PRUNE2: variants seen among roughly 807,000 people sequenced by gnomAD.
PRUNE2 encodes the protein protein prune homolog 2.
In PRUNE2, 164 loss-of-function variants were observed where a neutral mutation model predicts 252.0. That is an observed-to-expected ratio of 0.65 (90% CI 0.57 to 0.74). The LOEUF (loss-of-function observed/expected upper bound fraction) is 0.74, where lower values mean the gene tolerates loss of function less well. Ranked by LOEUF, PRUNE2 falls within the 30% of genes least tolerant of loss-of-function variation. The probability of loss-of-function intolerance (pLI) is 0.00; values close to 1 mark genes in which losing one functional copy is unlikely to be tolerated. For missense variants in PRUNE2, 3,495 were observed against 3,711.0 expected (o/e 0.94, Z 1.51); for synonymous variants, 1,292 against 1,350.2 (o/e 0.96, Z 0.94).
Position 76,727,715 on chromosome 9 carries a change from T to TC in PRUNE2, c.757-13995_757-13994insG, listed in dbSNP as rs889172164. Reference sequence around the variant, plus strand: ...TTAGTTATGGGTAAACAGGGCTTTTTTTTTTTTTTTTTTTTTTGAAACAGG... The same window carrying TC: ...TTAGTTATGGGTAAACAGGGCTTTTTCTTTTTTTTTTTTTTTTTGAAACAGG... On this transcript the variant is annotated intron_variant, in intron 6 of 18. Coordinates refer to ENST00000376718, the MANE Select transcript of PRUNE2 (RefSeq NM_015225.3). Among the ~76,000 whole-genome samples the TC allele has an allele frequency of 1.4e-5, 2 of 140,962 alleles. 1 individual carries two copies. The highest frequency in any genetic ancestry group is 5.2e-5 in the African/African-American group (2 of 38,172). The allele number at this position is 140,962 out of a possible 152,430, so 92.5% of individuals were successfully genotyped here. A position where few individuals can be genotyped will look rare whatever the true frequency, so the allele number is the denominator to read the frequency against.
At position 76,706,662 on chromosome 9, in the gene PRUNE2, G is replaced by T; in HGVS notation, c.5612C>A (p.Pro1871Gln). ...VHQNASPWGV[P>Q]VQGDIEPVET... ...CACGGGCTCAATATCACCCTGAACT[G>T]GTACTCCCCAGGGACTGGCATTTTG... The change falls in exon 8 of 19, where the codon CCA becomes CAA. Residue 1871 changes from proline (P) to glutamine (Q), a missense_variant. Physicochemically the swap from Pro to Gln is moderately conservative, Grantham distance 76 (BLOSUM62 -1). Transcript: ENST00000376718. 1.9e-6 allele frequency: 3 copies of T among 1,613,720 alleles called. No individual in the cohort carries two copies. Among genetic ancestry groups the T allele is most frequent in the African/African-American group, 1.3e-5 (1 of 75,002 alleles).
intron 10 of PRUNE2, among the ~76,000 whole-genome samples, chr9:76,653,583 G>T (rs1269948998): frequency 6.6e-6 from 1 of 152,080 alleles, no homozygotes; most frequent in Non-Finnish European, 1.5e-5. Context: ...GGATAGAAAG[G>T]GCCAACTATA....
Position 76,876,161 on chromosome 9 carries a change from G to A in PRUNE2, c.37-21953C>T, listed in dbSNP as rs114040184. On this transcript the variant is annotated intron_variant, in intron 1 of 18. Coordinates refer to ENST00000376718, the MANE Select transcript of PRUNE2 (RefSeq NM_015225.3). ...TGAAGCAACTAGACACAGAGGAACC[G>A]TCTTGGATTTTAGAAGAAAACCATT... Among the ~76,000 whole-genome samples, 1,476 of 152,256 alleles carry A rather than the reference G, an allele frequency of 9.7e-3. 18 individuals are homozygous for A. Among genetic ancestry groups the A allele is most frequent in the African/African-American group, 0.033 (1,384 of 41,534 alleles).
chr9:76,841,517 T>C (rs1014214030), intron 4 of PRUNE2, among the ~76,000 whole-genome samples: 3 of 152,202 alleles, frequency 2.0e-5, no homozygotes, highest in African/African-American at 7.2e-5. Flanking sequence ...CCAAGTGGTC[T>C]AGCTCAGTGG....
intron 1 of PRUNE2, among the ~76,000 whole-genome samples, chr9:76,903,711 C>T (rs529822843): frequency 6.6e-6 from 1 of 152,154 alleles, no homozygotes; most frequent in Non-Finnish European, 1.5e-5. Flanking sequence ...CCTCTGCCCC[C>T]CTAGTAGCTG....
chr9:76,651,579 G>A (rs918085268), intron 11 of PRUNE2, among the ~76,000 whole-genome samples: 1 of 152,086 alleles, frequency 6.6e-6, no homozygotes, highest in African/African-American at 2.4e-5. Flanking sequence ...ACCCTGGCTA[G>A]AACTGAAACA....
At chr9:76,833,622 G>A (rs1233874228) in intron 4 of PRUNE2, among the ~76,000 whole-genome samples, 2 of 151,618 alleles carry the variant, frequency 1.3e-5, no homozygotes, top group Non-Finnish European at 2.9e-5. Context: ...AAAGTTAGCC[G>A]GGCCTGGTGG....
intron 16 of PRUNE2, 45 bp from the exon 17 acceptor site, chr9:76,624,535 A>G (rs1221354037): frequency 1.5e-6 from 2 of 1,325,332 alleles, no homozygotes; most frequent in Non-Finnish European, 2.0e-6. Context: ...ACAAAAGAGA[A>G]GCAAGCACAG....
intron 6 of PRUNE2, chr9:76,740,448 C>CAAAAAAAAA (rs547815985): frequency 1.2e-5 from 1 of 82,160 alleles, no homozygotes; most frequent in African/African-American, 3.6e-5. Context: ...AACTCCGTTT[C>CAAAAAAAAA]AAAAAAAAAA....
At chr9:76,889,603 A>C (rs1047532801) in intron 1 of PRUNE2, among the ~76,000 whole-genome samples, 2 of 152,092 alleles carry the variant, frequency 1.3e-5, no homozygotes. Flanking sequence ...TACAGGTGTG[A>C]CCCACCTCGT....
At chr9:76,794,993 G>C (rs575353033) in intron 6 of PRUNE2, among the ~76,000 whole-genome samples, 1 of 152,208 alleles carries the variant, frequency 6.6e-6, no homozygotes, top group South Asian at 2.1e-4. Context: ...TCTTCTGCCT[G>C]CCACGAAGGA....
At chr9:76,732,664 GA>G (rs2048729450) in intron 6 of PRUNE2, among the ~76,000 whole-genome samples, 1 of 152,200 alleles carries the variant, frequency 6.6e-6, no homozygotes, top group Admixed American at 6.5e-5. Flanking sequence ...CCTGGGGCTT[GA>G]GACATCACAT....
intron 6 of PRUNE2, among the ~76,000 whole-genome samples, chr9:76,726,012 G>C (rs113965022): frequency 1.3e-5 from 2 of 152,226 alleles, no homozygotes; most frequent in African/African-American, 4.8e-5. Flanking sequence ...GGGGTTGCCA[G>C]GGATATGCAG....
intron 9 of PRUNE2, among the ~76,000 whole-genome samples, chr9:76,671,861 T>C (rs535424487): frequency 6.6e-6 from 1 of 151,924 alleles, no homozygotes; most frequent in East Asian, 1.9e-4. Context: ...CTGAGAGATT[T>C]TGTCACCACC....
intron 1 of PRUNE2, among the ~76,000 whole-genome samples, chr9:76,903,699 T>C (rs1198611155): frequency 6.6e-6 from 1 of 152,216 alleles, no homozygotes; most frequent in African/African-American, 2.4e-5. Context: ...GTGATTCTCC[T>C]GCCTCTGCCC....
intron 6 of PRUNE2, among the ~76,000 whole-genome samples, chr9:76,713,988 T>C (rs1472315123): frequency 6.6e-6 from 1 of 152,052 alleles, no homozygotes; most frequent in Admixed American, 6.5e-5. Flanking sequence ...ATCCTAAACA[T>C]TTTTTTCTAA....
chr9:76,893,038 G>C (rs147395478), intron 1 of PRUNE2, among the ~76,000 whole-genome samples: 1 of 152,126 alleles, frequency 6.6e-6, no homozygotes, highest in Non-Finnish European at 1.5e-5. Flanking sequence ...ACAAAAGTTC[G>C]AGACGAGCCT....
chr9:76,882,975 G>A (rs1714637467), intron 1 of PRUNE2, among the ~76,000 whole-genome samples: 1 of 152,198 alleles, frequency 6.6e-6, no homozygotes, highest in Non-Finnish European at 1.5e-5. Flanking sequence ...AGTACTTTCA[G>A]CAGCTCACTT....
intron 4 of PRUNE2, among the ~76,000 whole-genome samples, chr9:76,836,014 G>A (rs2000289): frequency 0.39 from 59,814 of 151,534 alleles, 12,566 homozygotes; most frequent in African/African-American, 0.54. Context: ...AAATAAAAGT[G>A]AAAGGCCATT....
Sources: gnomAD v4.1 joint callset for allele counts (sites outside exome capture counted in the v4.1 genomes callset) on GRCh38, gnomAD v4.1.1 for gene constraint, MANE v1.5 for transcripts, NCBI Gene and HGNC (gene_info 2026-07-23, HGNC 2026-07-21) for gene names.